Variants in AADACL2 observed in about 807,000 individuals in gnomAD.
AADACL2 encodes arylacetamide deacetylase-like 2.
In AADACL2, 23 loss-of-function variants were observed where a neutral mutation model predicts 22.3. The observed-to-expected ratio is 1.03, with a 90% CI of 0.74 to 1.46. AADACL2 has a LOEUF of 1.46. Ranked by LOEUF, AADACL2 falls within the 40% of genes most tolerant of loss-of-function variation. AADACL2 has a pLI of 0.00. For synonymous variants in AADACL2, 177 were observed against 166.2 expected (o/e 1.07, Z -0.50); for missense variants, 472 against 482.9 (o/e 0.98, Z 0.21).
At chr3:151,734,318 T>C (rs1445634048) in intron 1 of AADACL2, 145 bp downstream of exon 1, 14 of 969,546 alleles carry the variant, frequency 1.4e-5, no homozygotes, top group Non-Finnish European at 1.8e-5. Flanking sequence ...TTAAACAACA[T>C]TAAGTAAATA....
At chr3:151,745,828 C>T in intron 4 of AADACL2, 148 bp downstream of exon 4, 1 of 827,474 alleles carries the variant, frequency 1.2e-6, no homozygotes, top group Non-Finnish European at 1.8e-6. Flanking sequence ...TTTATTTAAC[C>T]TTAATGTGAC....
intron 2 of AADACL2, 106 bp from the exon 3 acceptor site, chr3:151,743,987 C>A: frequency 8.7e-7 from 1 of 1,154,616 alleles, no homozygotes; most frequent in South Asian, 1.4e-5. Context: ...GAAATAAAAG[C>A]TATGTGATAT....
chr3:151,748,721 G>T (rs138819693), intron 4 of AADACL2, among the ~76,000 whole-genome samples: 1,546 of 152,246 alleles, frequency 0.01, 12 homozygotes, highest in Admixed American at 0.014. Flanking sequence ...TCTTTCATGA[G>T]TTAAAGCAGC....
intron 1 of AADACL2, among the ~76,000 whole-genome samples, chr3:151,738,365 G>A (rs1232975802): frequency 6.6e-6 from 1 of 152,154 alleles, no homozygotes. Context: ...GAGAAATCCA[G>A]TGTTAGTCTG....
rs1220331941 is a variant in AADACL2, at chr3:151,744,943, A to C, written c.432-566A>C. Among the ~76,000 whole-genome samples the C allele has an allele frequency of 2.6e-5, 4 of 152,268 alleles. No homozygotes were observed. The East Asian group carries it at 7.7e-4, about 29-fold the overall frequency. ...AGAAGAGTGTGATAATTTGCCTTAC[A>C]AATGAATTTACCAGAAATAAGCAAG... On this transcript the variant is annotated intron_variant, in intron 3 of 4. Transcript: ENST00000356517.
chr3:151,758,844 T>G lies in AADACL2; in HGVS notation c.*1250T>G, dbSNP rs1714051763. 1 of 152,086 alleles carries G rather than the reference T, an allele frequency of 6.6e-6. No homozygotes were observed. Among genetic ancestry groups the G allele is most frequent in the Non-Finnish European group, 1.5e-5 (1 of 67,954 alleles). The allele number at this position is 152,086 out of a possible 1,614,324, so 9.4% of individuals were successfully genotyped here. A position where few individuals can be genotyped will look rare whatever the true frequency, so the allele number is the denominator to read the frequency against. On this transcript the variant is annotated 3_prime_UTR_variant, in exon 5 of 5. Coordinates refer to ENST00000356517, the MANE Select transcript of AADACL2 (RefSeq NM_207365.4). ...GTGTATATGTATGAGTATGTGCATGTGTGTGGGAAAAATCTACCATCCAAT... is the reference window on the plus strand; with the variant it reads ...GTGTATATGTATGAGTATGTGCATGGGTGTGGGAAAAATCTACCATCCAAT...
rs1172756170 is a variant in AADACL2, at chr3:151,760,246, C to A, written c.*2652C>A. On this transcript the variant is annotated 3_prime_UTR_variant, in exon 5 of 5. Transcript: ENST00000356517. ...TTGATTACACCCCATGGCATTACAG[C>A]TAAAAATTCCAACGTTTTCAGTCTC... The A allele has an allele frequency of 1.3e-5, 2 of 152,128 alleles. No homozygotes were observed. Among genetic ancestry groups the A allele is most frequent in the Non-Finnish European group, 2.9e-5 (2 of 67,992 alleles). 9.4% of individuals were successfully genotyped at this position (152,128 alleles called of 1,614,324 possible).
chr3:151,759,963 T>A lies in AADACL2; in HGVS notation c.*2369T>A, dbSNP rs1018873870. 6.6e-6 allele frequency: 1 copy of A among 152,192 alleles called. No homozygotes were observed. The highest frequency in any genetic ancestry group is 1.5e-5 in the Non-Finnish European group (1 of 68,028). 9.4% of individuals were successfully genotyped at this position (152,192 alleles called of 1,614,324 possible). A position where few individuals can be genotyped will look rare whatever the true frequency, so the allele number is the denominator to read the frequency against. On this transcript the variant is annotated 3_prime_UTR_variant, in exon 5 of 5. Coordinates refer to ENST00000356517, the MANE Select transcript of AADACL2 (RefSeq NM_207365.4). Reference sequence around the variant, plus strand: ...AATTTCATTTTAAATTGACAATAATTGTACATATTCATGGGATACATAGTG... The same window carrying A: ...AATTTCATTTTAAATTGACAATAATAGTACATATTCATGGGATACATAGTG...
intron 4 of AADACL2, among the ~76,000 whole-genome samples, chr3:151,751,930 A>G (rs1713684528): frequency 6.6e-6 from 1 of 152,184 alleles, no homozygotes; most frequent in Non-Finnish European, 1.5e-5. Flanking sequence ...AGACATTCTG[A>G]TTTATCTGTT....
At chr3:151,747,876 T>C (rs1258608643) in intron 4 of AADACL2, among the ~76,000 whole-genome samples, 1 of 152,136 alleles carries the variant, frequency 6.6e-6, no homozygotes, top group Non-Finnish European at 1.5e-5. Context: ...CCATAATGGA[T>C]ATACTAACTG....
At position 151,757,207 on chromosome 3, in the gene AADACL2, G is replaced by C. The variant is rs1560288467; in HGVS notation, c.819G>C (p.Glu273Asp). ...AMRRNQHMPL[E>D]SRHLFKFVNW... ...GAAGAAACCAACACATGCCTCTGGA[G>C]TCAAGACATCTGTTTAAGTTTGTTA... The change falls in exon 5 of 5, where the codon GAG becomes GAC. Residue 273 changes from glutamate to aspartate, a missense_variant. Glu to Asp is a conservative substitution (Grantham distance 45, BLOSUM62 2). Coordinates refer to ENST00000356517, the MANE Select transcript of AADACL2 (RefSeq NM_207365.4). 1 of 1,613,698 alleles carries C rather than the reference G, an allele frequency of 6.2e-7. No homozygotes were observed. Among genetic ancestry groups the C allele is most frequent in the Non-Finnish European group, 8.5e-7 (1 of 1,179,706 alleles).
At chr3:151,739,625 C>T (rs949777173) in intron 1 of AADACL2, among the ~76,000 whole-genome samples, 3 of 152,212 alleles carry the variant, frequency 2.0e-5, no homozygotes, top group Non-Finnish European at 4.4e-5. Context: ...CTTCCCCTTC[C>T]CCCAGGTGCT....
intron 1 of AADACL2, 39 bp from the exon 2 acceptor site, chr3:151,740,596 GTGTTATTTAAA>G (rs763195357): frequency 8.7e-6 from 10 of 1,151,856 alleles, no homozygotes; most frequent in Admixed American, 2.5e-5. Flanking sequence ...AATATATTTG[GTGTTATTTAAA>G]TATCTAAATA....
At chr3:151,753,974 G>A (rs1237277122) in intron 4 of AADACL2, among the ~76,000 whole-genome samples, 1 of 152,140 alleles carries the variant, frequency 6.6e-6, no homozygotes, top group African/African-American at 2.4e-5. Context: ...GGGCACTTGG[G>A]AAATGGGAGA....
chr3:151,756,291 T>G (rs1463565421), intron 4 of AADACL2, among the ~76,000 whole-genome samples: 4 of 152,106 alleles, frequency 2.6e-5, no homozygotes, highest in Non-Finnish European at 2.9e-5. Context: ...TATCAAGTAC[T>G]TCACATTTTA....
At chr3:151,742,782 A>G (rs1713321552) in intron 2 of AADACL2, among the ~76,000 whole-genome samples, 1 of 152,170 alleles carries the variant, frequency 6.6e-6, no homozygotes, top group African/African-American at 2.4e-5. Flanking sequence ...TGAAAGCGGT[A>G]TCTAACAGAC....
At chr3:151,735,378 T>C (rs893569708) in intron 1 of AADACL2, among the ~76,000 whole-genome samples, 2 of 152,244 alleles carry the variant, frequency 1.3e-5, no homozygotes, top group African/African-American at 4.8e-5. Context: ...TAGTAAGTAG[T>C]AGCATAAGAT....
At chr3:151,744,915 A>G (rs1452656339) in intron 3 of AADACL2, among the ~76,000 whole-genome samples, 1 of 152,154 alleles carries the variant, frequency 6.6e-6, no homozygotes, top group East Asian at 1.9e-4. Flanking sequence ...TGTGCCCATG[A>G]AAAGAAGAGT....
At chr3:151,752,629 C>T (rs1238254549) in intron 4 of AADACL2, among the ~76,000 whole-genome samples, 1 of 152,072 alleles carries the variant, frequency 6.6e-6, no homozygotes, top group Non-Finnish European at 1.5e-5. Flanking sequence ...ATTTCATGGC[C>T]ACATTTTATT....
Sources: allele counts gnomAD v4.1 joint callset (sites outside exome capture counted in the v4.1 genomes callset), GRCh38; gene constraint gnomAD v4.1.1; transcripts MANE v1.5; gene names NCBI Gene and HGNC (gene_info 2026-07-23, HGNC 2026-07-21).